PKHD1: variants seen among roughly 807,000 people sequenced by gnomAD.
PKHD1 encodes fibrocystin.
Under a neutral mutation model 412.0 loss-of-function variants are expected in PKHD1, and 291 were observed. The observed-to-expected ratio is 0.71, with a 90% CI of 0.64 to 0.78. The LOEUF is 0.78. PKHD1 is among the 30% of genes least tolerant of loss of function. PKHD1 has a pLI of 0.00. For synonymous variants in PKHD1, 1,777 were observed against 1,821.5 expected (o/e 0.98, Z 0.62); for missense variants, 4,825 against 4,950.7 (o/e 0.97, Z 0.76).
At chr6:52,078,823 C>T (rs1309125546) in intron 5 of PKHD1, among the ~76,000 whole-genome samples, 4 of 152,178 alleles carry the variant, frequency 2.6e-5, no homozygotes, top group Admixed American at 2.6e-4. Context: ...GGTGGTGCAG[C>T]TCTTAGTAAA....
At chr6:51,721,242 A>G (rs1271980598) in intron 60 of PKHD1, 1 of 949,116 alleles carries the variant, frequency 1.1e-6, no homozygotes, top group African/African-American at 1.8e-5. Flanking sequence ...TAAATGGGTT[A>G]TCTTTACCAC....
intron 35 of PKHD1, among the ~76,000 whole-genome samples, chr6:52,007,695 C>G (rs532330285): frequency 8.6e-4 from 131 of 152,306 alleles, no homozygotes; most frequent in Non-Finnish European, 4.6e-4. Context: ...AGCCCTCCAC[C>G]TATAGACTTC....
At chr6:51,921,760 C>T (rs1053668772) in intron 37 of PKHD1, among the ~76,000 whole-genome samples, 5 of 152,146 alleles carry the variant, frequency 3.3e-5, no homozygotes, top group Non-Finnish European at 7.3e-5. Context: ...GTTCTCATGC[C>T]ATGGTTTTCA....
chr6:52,083,128 A>AT, intron 3 of PKHD1, 50 bp downstream of exon 3: 3 of 1,182,224 alleles, frequency 2.5e-6, no homozygotes, highest in Non-Finnish European at 3.8e-6. Flanking sequence ...AGTCTTTAGG[A>AT]TTGTGGGTCA....
chr6:51,774,133 C>T (rs1249598365), intron 54 of PKHD1, among the ~76,000 whole-genome samples: 1 of 151,826 alleles, frequency 6.6e-6, no homozygotes, highest in Admixed American at 6.6e-5. Context: ...TTGAATTATC[C>T]AGAAAATTCA....
chr6:52,067,300 C>A (rs2128225734), intron 11 of PKHD1, among the ~76,000 whole-genome samples: 1 of 152,246 alleles, frequency 6.6e-6, no homozygotes, highest in Admixed American at 6.5e-5. Flanking sequence ...TTTGTATCAG[C>A]TTTACGTAGA....
chr6:51,967,731 A>G (rs553462481), intron 35 of PKHD1, among the ~76,000 whole-genome samples: 63 of 152,268 alleles, frequency 4.1e-4, no homozygotes, highest in South Asian at 8.3e-4. Flanking sequence ...ACACACACAC[A>G]GAGCCAGATC....
At chr6:51,941,235 CCT>C (rs1788475356) in intron 36 of PKHD1, among the ~76,000 whole-genome samples, 1 of 123,802 alleles carries the variant, frequency 8.1e-6, no homozygotes, top group Non-Finnish European at 1.7e-5. Flanking sequence ...TACAGCATGG[CCT>C]TTTTTTTTTT....
chr6:51,788,618 T>A (rs940073583), intron 53 of PKHD1, among the ~76,000 whole-genome samples: 1 of 151,970 alleles, frequency 6.6e-6, no homozygotes, highest in Admixed American at 6.6e-5. Context: ...TCTCTAAACC[T>A]CCCTCTTTAT....
intron 52 of PKHD1, among the ~76,000 whole-genome samples, chr6:51,794,305 T>C (rs574538747): frequency 6.6e-6 from 1 of 152,286 alleles, no homozygotes; most frequent in Admixed American, 6.5e-5. Context: ...TTTTTTCATA[T>C]GTCTGTTGGC....
intron 35 of PKHD1, among the ~76,000 whole-genome samples, chr6:51,989,923 G>GGAAA (rs1796734581): frequency 9.5e-6 from 1 of 105,526 alleles, no homozygotes; most frequent in Non-Finnish European, 2.0e-5. Context: ...AAGGAAGGAA[G>GGAAA]GAAGGAAGGA....
intron 48 of PKHD1, among the ~76,000 whole-genome samples, chr6:51,860,591 C>T (rs1774026412): frequency 6.6e-6 from 1 of 152,188 alleles, no homozygotes; most frequent in African/African-American, 2.4e-5. Flanking sequence ...TAGAGAGCTT[C>T]ATTACTAGGG....
At chr6:52,070,959 G>A in intron 9 of PKHD1, 47 bp downstream of exon 9, 1 of 1,162,134 alleles carries the variant, frequency 8.6e-7, no homozygotes. Flanking sequence ...CGGATACAGA[G>A]AAAGAAATGG....
At chr6:51,783,419 A>G (rs1792352210) in intron 53 of PKHD1, among the ~76,000 whole-genome samples, 1 of 149,336 alleles carries the variant, frequency 6.7e-6, no homozygotes, top group Non-Finnish European at 1.5e-5. Context: ...ATATTATTTT[A>G]ATAATTAATA....
intron 55 of PKHD1, among the ~76,000 whole-genome samples, chr6:51,769,447 T>G (rs111349696): frequency 3.2e-4 from 48 of 151,434 alleles, no homozygotes; most frequent in Middle Eastern, 0.012. Context: ...CTATATAGAT[T>G]TATATTTTTT....
At chr6:51,668,684 T>G (rs1475604738) in intron 60 of PKHD1, among the ~76,000 whole-genome samples, 6 of 152,182 alleles carry the variant, frequency 3.9e-5, no homozygotes, top group Non-Finnish European at 5.9e-5. Flanking sequence ...CTGTGGGTTT[T>G]TCATAGATAG....
intron 63 of PKHD1, among the ~76,000 whole-genome samples, chr6:51,644,091 G>A (rs1315528316): frequency 1.3e-5 from 2 of 152,104 alleles, no homozygotes; most frequent in Non-Finnish European, 2.9e-5. Context: ...ATCACGAGAT[G>A]TCAATCGCCT....
intron 46 of PKHD1, among the ~76,000 whole-genome samples, chr6:51,873,622 G>A (rs5024328): frequency 0.4 from 61,421 of 151,932 alleles, 13,607 homozygotes; most frequent in East Asian, 0.85. Context: ...TAAAAAGTAG[G>A]ACAAATACTA....
chr6:51,822,100 A>C (rs1017596524), intron 52 of PKHD1, among the ~76,000 whole-genome samples: 1 of 152,220 alleles, frequency 6.6e-6, no homozygotes, highest in Non-Finnish European at 1.5e-5. Context: ...CTATTAATTT[A>C]GAACACCGGG....
Sources: gnomAD v4.1 joint callset for allele counts (sites outside exome capture counted in the v4.1 genomes callset) on GRCh38, gnomAD v4.1.1 for gene constraint, MANE v1.5 for transcripts, NCBI Gene and HGNC (gene_info 2026-07-23, HGNC 2026-07-21) for gene names.